Variants in ITGA2 observed in about 807,000 individuals in gnomAD.
ITGA2 encodes the protein integrin alpha-2.
Under a neutral mutation model 146.3 loss-of-function variants are expected in ITGA2, and 101 were observed. The observed-to-expected ratio is 0.69, with a 90% confidence interval of 0.59 to 0.81. The LOEUF is 0.81. Among genes scored for constraint, ITGA2 ranks in the 40% least tolerant of loss-of-function variants. The pLI is 0.00. For synonymous variants in ITGA2, 477 were observed against 487.1 expected (o/e 0.98, Z 0.27); for missense variants, 1,281 against 1,402.7 (o/e 0.91, Z 1.39).
intron 2 of ITGA2, among the ~76,000 whole-genome samples, chr5:53,032,570 C>T (rs1862191): frequency 0.32 from 47,950 of 151,976 alleles, 7,650 homozygotes; most frequent in Admixed American, 0.38. Flanking sequence ...ATGTTCCAAA[C>T]GTACATATTT....
intron 20 of ITGA2, among the ~76,000 whole-genome samples, chr5:53,073,986 A>G (rs1745531173): frequency 6.6e-6 from 1 of 151,352 alleles, no homozygotes; most frequent in Non-Finnish European, 1.5e-5. Context: ...TACTTAAAAT[A>G]CAGACAAACA....
At chr5:53,030,647 TG>T (rs1743180599) in intron 2 of ITGA2, among the ~76,000 whole-genome samples, 1 of 152,186 alleles carries the variant, frequency 6.6e-6, no homozygotes, top group Non-Finnish European at 1.5e-5. Flanking sequence ...GGCAAAACCA[TG>T]GGCATGATTT....
chr5:53,093,751 A>G lies in ITGA2; in HGVS notation c.*3152A>G, dbSNP rs907768248. The G allele has an allele frequency of 6.6e-6, 1 of 152,572 alleles. No homozygotes were observed. The highest frequency in any genetic ancestry group is 1.5e-5 in the Non-Finnish European group (1 of 68,030). The allele number at this position is 152,572 out of a possible 1,614,324, so 9.5% of individuals were successfully genotyped here. ...TAAAAGATGTCATATTCAAATTTCC[A>G]TTTCATAAATGGTGTACAGACAAGG... On this transcript the variant is annotated 3_prime_UTR_variant, in exon 30 of 30. Transcript: ENST00000296585.
chr5:53,081,003 C>T (rs1745891119), intron 25 of ITGA2, among the ~76,000 whole-genome samples: 1 of 152,162 alleles, frequency 6.6e-6, no homozygotes, highest in Admixed American at 6.5e-5. Context: ...TGGTAATACT[C>T]AACCCTGGCT....
chr5:53,034,312 C>T (rs1743380284), intron 2 of ITGA2, among the ~76,000 whole-genome samples: 1 of 151,816 alleles, frequency 6.6e-6, no homozygotes. Flanking sequence ...TGGCATGTCT[C>T]ATCTCAACAA....
chr5:52,997,778 G>A (rs1741347402), intron 1 of ITGA2, among the ~76,000 whole-genome samples: 1 of 152,126 alleles, frequency 6.6e-6, no homozygotes, highest in Admixed American at 6.5e-5. Flanking sequence ...ATGCTTGTTA[G>A]AATAGAGACC....
chr5:53,048,371 T>C lies in ITGA2; in HGVS notation c.396T>C (p.Gly132=), dbSNP rs1030049852. Residue 132 remains glycine (G), a synonymous_variant, in exon 5 of 30, where the codon GGT becomes GGC. Coordinates refer to ENST00000296585, the MANE Select transcript of ITGA2 (RefSeq NM_002203.4). ...NMGTGGFLTC[G]PLWAQQCGNQ... The stretch of plus-strand genomic sequence containing the variant: ...TTCTCATTTCTTTGAAGACATGTGG[T>C]CCTCTGTGGGCACAGCAATGTGGGA... The C allele has an allele frequency of 1.2e-6, 2 of 1,613,518 alleles. No individual in the cohort carries two copies. The highest frequency in any genetic ancestry group is 8.5e-7 in the Non-Finnish European group (1 of 1,179,402).
chr5:52,991,841 A>G (rs1433753261), intron 1 of ITGA2, among the ~76,000 whole-genome samples: 1 of 152,200 alleles, frequency 6.6e-6, no homozygotes, highest in Non-Finnish European at 1.5e-5. Flanking sequence ...TACCATGAAA[A>G]TGGTAAATGG....
At chr5:52,990,544 C>T (rs1216622676) in intron 1 of ITGA2, among the ~76,000 whole-genome samples, 1 of 146,556 alleles carries the variant, frequency 6.8e-6, no homozygotes, top group Non-Finnish European at 1.5e-5. Context: ...AAAAAGTTGT[C>T]TCTGATTTTA....
At chr5:53,067,387 C>A in intron 16 of ITGA2, 130 bp downstream of exon 16, 1 of 931,552 alleles carries the variant, frequency 1.1e-6, no homozygotes, top group Non-Finnish European at 1.7e-6. Flanking sequence ...AGTTTCCTTA[C>A]ACTGGAGATG....
At chr5:53,002,992 A>T (rs1248054287) in intron 1 of ITGA2, among the ~76,000 whole-genome samples, 5 of 152,162 alleles carry the variant, frequency 3.3e-5, no homozygotes, top group African/African-American at 1.2e-4. Flanking sequence ...GCTAGAAGAA[A>T]CCTCAAGATA....
chr5:53,026,117 A>C (rs1742933229), intron 1 of ITGA2, among the ~76,000 whole-genome samples: 1 of 152,212 alleles, frequency 6.6e-6, no homozygotes, highest in South Asian at 2.1e-4. Context: ...TATGACACCA[A>C]TCCCTACATT....
At chr5:53,077,982 T>C (rs932683482) in intron 23 of ITGA2, among the ~76,000 whole-genome samples, 1 of 152,022 alleles carries the variant, frequency 6.6e-6, no homozygotes. Context: ...GAAGCTACCC[T>C]GGTTGGAATC....
intron 1 of ITGA2, among the ~76,000 whole-genome samples, chr5:52,999,581 C>G (rs1309055502): frequency 5.9e-5 from 9 of 152,052 alleles, no homozygotes; most frequent in Admixed American, 2.0e-4. Flanking sequence ...AGGGGCAACA[C>G]AGAGGGCCCA....
intron 1 of ITGA2, among the ~76,000 whole-genome samples, chr5:53,013,862 G>A (rs753887266): frequency 4.6e-5 from 7 of 151,906 alleles, no homozygotes; most frequent in Non-Finnish European, 1.0e-4. Context: ...TCTTTTTGTG[G>A]CTTTTGTGAA....
intron 1 of ITGA2, among the ~76,000 whole-genome samples, chr5:53,000,628 G>A (rs1001839610): frequency 6.6e-6 from 1 of 152,000 alleles, no homozygotes; most frequent in Non-Finnish European, 1.5e-5. Context: ...CATTCATTGA[G>A]TTCTTAATGA....
chr5:53,048,387 C>A lies in ITGA2; in HGVS notation c.412C>A (p.Gln138Lys), dbSNP rs767973784. 7 of 1,614,050 alleles carry A rather than the reference C, an allele frequency of 4.3e-6. No individual in the cohort carries two copies. Among genetic ancestry groups the A allele is most frequent in the Non-Finnish European group, 5.9e-6 (7 of 1,179,936 alleles). Residue 138 changes from glutamine (Q) to lysine (K), a missense_variant, in exon 5 of 30, where the codon CAA (glutamine) becomes AAA (lysine). Physicochemically the swap from Gln to Lys is moderately conservative, Grantham distance 53. This residue lies in a region of ITGA2 where 795 missense variants were observed against 841.7 expected (regional missense o/e 0.94). Transcript: ENST00000296585. ...GACATGTGGTCCTCTGTGGGCACAG[C>A]AATGTGGGAATCAGTATTACACAAC... The part of the protein sequence containing the change: ...FLTCGPLWAQ[Q>K]CGNQYYTTGV...
At position 53,065,091 on chromosome 5, in the gene ITGA2, C is replaced by T. The variant is rs1745082207; in HGVS notation, c.1782C>T (p.Gly594=). The change falls in exon 14 of 30, where the codon GGC becomes GGT. Residue 594 remains glycine, a synonymous_variant. Coordinates refer to ENST00000296585, the MANE Select transcript of ITGA2 (RefSeq NM_002203.4). The stretch of plus-strand genomic sequence containing the variant: ...TATACATTTACAATGGTCATCAGGG[C>T]ACTATCCGCACAAAGTATTCCCAGG... The part of the protein sequence containing the change: ...GAVYIYNGHQ[G]TIRTKYSQKI... The T allele has an allele frequency of 2.5e-6, 4 of 1,612,546 alleles. No individual in the cohort carries two copies. The highest frequency in any genetic ancestry group is 3.4e-6 in the Non-Finnish European group (4 of 1,179,036).
rs180915135 is a variant in ITGA2, at chr5:53,031,436, C to G, written c.185+4568C>G. 2.8e-3 allele frequency among the ~76,000 whole-genome samples: 419 copies of G among 152,270 alleles called. 3 individuals carry two copies. Among genetic ancestry groups the G allele is most frequent in the Admixed American group, 7.1e-3 (108 of 15,300 alleles). ...ATCTAAGTCCTGACTTCACTCCTTTCCCTCAGACAACTCACTGAAGGCTCT... is the reference window on the plus strand; with the variant it reads ...ATCTAAGTCCTGACTTCACTCCTTTGCCTCAGACAACTCACTGAAGGCTCT... On this transcript the variant is annotated intron_variant, in intron 2 of 29. Coordinates refer to ENST00000296585, the MANE Select transcript of ITGA2 (RefSeq NM_002203.4).
Sources: gnomAD v4.1 joint callset for allele counts (sites outside exome capture counted in the v4.1 genomes callset) on GRCh38, gnomAD v4.1.1 for gene constraint, gnomAD v4.1.1 regional missense constraint, MANE v1.5 for transcripts, NCBI Gene and HGNC (gene_info 2026-07-23, HGNC 2026-07-21) for gene names.